The following CBFA2T2 variants were observed in gnomAD, a reference collection of about 807,000 sequenced individuals.
CBFA2T2 encodes protein CBFA2T2.
In CBFA2T2, 11 loss-of-function variants were observed where a neutral mutation model predicts 62.2. That is an observed-to-expected ratio of 0.18 (90% CI 0.11 to 0.29). CBFA2T2 has a LOEUF of 0.29. Among genes scored for constraint, CBFA2T2 ranks in the 10% least tolerant of loss-of-function variants. The pLI, the probability that CBFA2T2 is intolerant of heterozygous loss-of-function variation, is 1.00. For missense variants in CBFA2T2, 592 were observed against 774.1 expected, an observed-to-expected ratio of 0.76 and a Z score of 2.79; for synonymous variants, 295 against 287.5, an observed-to-expected ratio of 1.03 and a Z score of -0.27.
intron 1 of CBFA2T2, among the ~76,000 whole-genome samples, chr20:33,579,941 C>T (rs2014036589): frequency 6.6e-6 from 1 of 151,806 alleles, no homozygotes. Flanking sequence ...CAGCTTCCTG[C>T]ATAGCTGGGA....
chr20:33,617,259 T>TA (rs944940253), intron 3 of CBFA2T2, among the ~76,000 whole-genome samples: 1 of 152,024 alleles, frequency 6.6e-6, no homozygotes, highest in Non-Finnish European at 1.5e-5. Context: ...TTTAAGCAAA[T>TA]ACGTCTTCTC....
intron 1 of CBFA2T2, among the ~76,000 whole-genome samples, chr20:33,512,840 C>T (rs980827158): frequency 1.3e-5 from 2 of 151,388 alleles, no homozygotes; most frequent in Non-Finnish European, 2.9e-5. Flanking sequence ...GCAAGCTCCG[C>T]CTCCTGGGTT....
intron 1 of CBFA2T2, among the ~76,000 whole-genome samples, chr20:33,549,356 A>G (rs1229127728): frequency 1.3e-5 from 2 of 152,172 alleles, no homozygotes; most frequent in Non-Finnish European, 2.9e-5. Context: ...ATTGGAAACA[A>G]TCCAAATGCC....
chr20:33,624,618 C>A, intron 5 of CBFA2T2, 146 bp from the exon 6 acceptor site: 1 of 835,152 alleles, frequency 1.2e-6, no homozygotes, highest in Non-Finnish European at 1.9e-6. Flanking sequence ...GACAATTCAG[C>A]TCATGCCTCA....
chr20:33,529,487 A>C (rs2011984007), intron 1 of CBFA2T2, among the ~76,000 whole-genome samples: 2 of 151,748 alleles, frequency 1.3e-5, no homozygotes, highest in Non-Finnish European at 2.9e-5. Flanking sequence ...GAGACAAGCC[A>C]GGCATGGTGG....
chr20:33,619,651 C>A, intron 4 of CBFA2T2, 45 bp downstream of exon 4: 1 of 1,340,104 alleles, frequency 7.5e-7, no homozygotes, highest in Non-Finnish European at 1.0e-6. Flanking sequence ...AATATTTCCT[C>A]AAATTCTGCT....
intron 1 of CBFA2T2, among the ~76,000 whole-genome samples, chr20:33,537,084 G>A (rs1196455667): frequency 6.6e-6 from 1 of 152,164 alleles, no homozygotes; most frequent in Non-Finnish European, 1.5e-5. Context: ...CCTAGACGGG[G>A]TGGTGGCCGG....
At chr20:33,601,453 C>G (rs905083884) in intron 1 of CBFA2T2, among the ~76,000 whole-genome samples, 1 of 151,952 alleles carries the variant, frequency 6.6e-6, no homozygotes, top group Admixed American at 6.6e-5. Flanking sequence ...TTAGTAGAGA[C>G]AGGGTTTCAC....
Position 33,623,431 on chromosome 20 carries a change from C to T in CBFA2T2, c.692+135C>T, listed in dbSNP as rs1457038425. On this transcript the variant is annotated intron_variant, in intron 5 of 10. Coordinates refer to ENST00000342704, the MANE Select transcript of CBFA2T2 (RefSeq NM_001032999.3). Reference sequence around the variant, plus strand: ...TTTTTGAGACAAGGCCTGGCTCTGTCGCCCAGACTGGAGCGCAGTGGTGCA... The same window carrying T: ...TTTTTGAGACAAGGCCTGGCTCTGTTGCCCAGACTGGAGCGCAGTGGTGCA... The T allele has an allele frequency of 1.8e-5, 18 of 996,624 alleles. 1 individual carries two copies. The South Asian group carries it at 2.2e-4, about 12-fold the overall frequency. 61.7% of individuals were successfully genotyped at this position (996,624 alleles called of 1,614,324 possible).
rs2017154912 is a variant in CBFA2T2, at chr20:33,649,060, T to G, written c.*4414T>G. The stretch of plus-strand genomic sequence containing the variant: ...CTGTCCTGGAAACTGTAGAATTGAA[T>G]AAATCACTGAAAATAGAACACTTCT... On this transcript the variant is annotated 3_prime_UTR_variant, in exon 11 of 11. Transcript: ENST00000342704. 1 of 152,184 alleles carries G rather than the reference T, an allele frequency of 6.6e-6. No individual in the cohort carries two copies. The highest frequency in any genetic ancestry group is 2.1e-4 in the South Asian group (1 of 4,838). 9.4% of individuals were successfully genotyped at this position (152,184 alleles called of 1,614,324 possible). A position where few individuals can be genotyped will look rare whatever the true frequency, so the allele number is the denominator to read the frequency against.
intron 1 of CBFA2T2, among the ~76,000 whole-genome samples, chr20:33,527,368 A>ATTTT (rs66870528): frequency 2.7e-5 from 2 of 74,452 alleles, no homozygotes; most frequent in African/African-American, 9.3e-5. Context: ...GGCCCGACTG[A>ATTTT]TTTTTTTTTT....
intron 1 of CBFA2T2, among the ~76,000 whole-genome samples, chr20:33,603,706 A>G (rs1339400202): frequency 6.6e-6 from 1 of 152,182 alleles, no homozygotes; most frequent in Non-Finnish European, 1.5e-5. Flanking sequence ...AATTGAGGGA[A>G]AAGAATTTCT....
chr20:33,643,972 G>C, intron 10 of CBFA2T2, among the ~76,000 whole-genome samples: 1 of 150,634 alleles, frequency 6.6e-6, no homozygotes, highest in African/African-American at 2.4e-5. Context: ...TCTTGGGGGA[G>C]ACCCTGGCAC....
intron 1 of CBFA2T2, among the ~76,000 whole-genome samples, chr20:33,565,013 C>T (rs1416405462): frequency 6.6e-6 from 1 of 151,786 alleles, no homozygotes; most frequent in Non-Finnish European, 1.5e-5. Flanking sequence ...TCCACCTCCC[C>T]GGTTCATGCT....
chr20:33,630,733 C>CT (rs1427505874), intron 8 of CBFA2T2, among the ~76,000 whole-genome samples: 1 of 152,228 alleles, frequency 6.6e-6, no homozygotes, highest in African/African-American at 2.4e-5. Context: ...CCCACGCACT[C>CT]TGAGTTCCCA....
chr20:33,583,073 A>G (rs1238997531), intron 1 of CBFA2T2, among the ~76,000 whole-genome samples: 2 of 152,140 alleles, frequency 1.3e-5, no homozygotes, highest in Non-Finnish European at 2.9e-5. Context: ...CATTATATCC[A>G]GCTCTTTCCT....
chr20:33,541,241 T>C (rs1439313337), intron 1 of CBFA2T2, among the ~76,000 whole-genome samples: 1 of 152,226 alleles, frequency 6.6e-6, no homozygotes, highest in East Asian at 1.9e-4. Context: ...TGTCATGTAG[T>C]CCAGAGGTCA....
chr20:33,597,063 T>C (rs1272384974), intron 1 of CBFA2T2, among the ~76,000 whole-genome samples: 1 of 151,946 alleles, frequency 6.6e-6, no homozygotes, highest in Non-Finnish European at 1.5e-5. Context: ...CAGCTGGAAT[T>C]ATAGGCAAGC....
At chr20:33,548,974 G>A (rs980804295) in intron 1 of CBFA2T2, among the ~76,000 whole-genome samples, 43 of 151,434 alleles carry the variant, frequency 2.8e-4, no homozygotes, top group African/African-American at 1.0e-3. Context: ...CTGTCCATCC[G>A]TCCATCCATC....
Sources: allele counts gnomAD v4.1 joint callset (sites outside exome capture counted in the v4.1 genomes callset), GRCh38; gene constraint gnomAD v4.1.1; transcripts MANE v1.5; gene names NCBI Gene and HGNC (gene_info 2026-07-23, HGNC 2026-07-21).